TRAPPC9: variants seen among roughly 807,000 people sequenced by gnomAD.
TRAPPC9 encodes the protein IKK2 binding protein.
Under a neutral mutation model 124.0 loss-of-function variants are expected in TRAPPC9, and 83 were observed. The observed-to-expected ratio is 0.67, with a 90% CI of 0.56 to 0.80. The LOEUF (loss-of-function observed/expected upper bound fraction) is 0.80, where lower values mean the gene tolerates loss of function less well. Ranked by LOEUF, TRAPPC9 falls within the 30% of genes least tolerant of loss-of-function variation. The probability of loss-of-function intolerance (pLI) is 0.00; values close to 1 mark genes in which losing one functional copy is unlikely to be tolerated. For synonymous variants in TRAPPC9, 638 were observed against 617.5 expected, an observed-to-expected ratio of 1.03 and a Z score of -0.49; for missense variants, 1,302 against 1,508.3, an observed-to-expected ratio of 0.86 and a Z score of 2.27.
intron 17 of TRAPPC9, among the ~76,000 whole-genome samples, chr8:140,050,730 G>C (rs192326694): frequency 1.3e-4 from 20 of 152,284 alleles, no homozygotes; most frequent in Admixed American, 7.2e-4. Context: ...AGGGAAGAAG[G>C]GGGGAAGTAA....
In TRAPPC9 at chr8:140,220,172, G is replaced by T. The variant is rs114398881; in HGVS notation, c.2556+1287C>A. ...GGACAAACAAGAAGAACAGCAACAC[G>T]CAGCGCCAGGGGAGGGTGGTGGGGC... On this transcript the variant is annotated intron_variant, in intron 17 of 22. Transcript: ENST00000438773. Among the ~76,000 whole-genome samples the T allele has an allele frequency of 8.3e-3, 1,264 of 152,314 alleles. 18 individuals are homozygous for T. The highest frequency in any genetic ancestry group is 0.029 in the African/African-American group (1,216 of 41,554).
At chr8:139,867,910 C>G (rs1468587929) in intron 21 of TRAPPC9, among the ~76,000 whole-genome samples, 1 of 152,160 alleles carries the variant, frequency 6.6e-6, no homozygotes, top group East Asian at 1.9e-4. Flanking sequence ...GCTGGAAAAA[C>G]TGGAATGGGA....
chr8:140,136,455 G>A (rs997980178), intron 17 of TRAPPC9, among the ~76,000 whole-genome samples: 18 of 152,088 alleles, frequency 1.2e-4, no homozygotes, highest in Admixed American at 5.9e-4. Context: ...TTTACTTCTC[G>A]GTACCTACCC....
intron 9 of TRAPPC9, among the ~76,000 whole-genome samples, chr8:140,330,656 C>T (rs960832621): frequency 6.6e-6 from 1 of 152,088 alleles, no homozygotes; most frequent in Non-Finnish European, 1.5e-5. Flanking sequence ...CAAGCACTGC[C>T]TAGAAAAATT....
intron 9 of TRAPPC9, among the ~76,000 whole-genome samples, chr8:140,339,037 G>A (rs538905232): frequency 1.2e-3 from 168 of 139,960 alleles, no homozygotes; most frequent in African/African-American, 4.3e-3. Context: ...CAGGCCGACG[G>A]GAAACGGCTC....
intron 19 of TRAPPC9, among the ~76,000 whole-genome samples, chr8:139,913,304 C>T (rs1174133056): frequency 6.6e-6 from 1 of 152,198 alleles, no homozygotes; most frequent in African/African-American, 2.4e-5. Context: ...TCTGTGTGTA[C>T]GCTCATCTTT....
At chr8:140,002,020 C>T (rs1236377771) in intron 18 of TRAPPC9, among the ~76,000 whole-genome samples, 1 of 151,830 alleles carries the variant, frequency 6.6e-6, no homozygotes, top group Non-Finnish European at 1.5e-5. Context: ...TGCATTCTAC[C>T]AAGCATTTCA....
chr8:140,164,659 A>C (rs1253978361), intron 17 of TRAPPC9, among the ~76,000 whole-genome samples: 3 of 152,192 alleles, frequency 2.0e-5, no homozygotes, highest in African/African-American at 7.2e-5. Flanking sequence ...ACAGCTAGGC[A>C]TGGTCTCCTG....
chr8:140,108,342 G>T (rs2060704598), intron 17 of TRAPPC9, among the ~76,000 whole-genome samples: 1 of 152,256 alleles, frequency 6.6e-6, no homozygotes, highest in African/African-American at 2.4e-5. Context: ...CAGCCTCTCA[G>T]AGTGGATGGG....
chr8:140,229,639 G>A (rs963767257), intron 16 of TRAPPC9, among the ~76,000 whole-genome samples: 1 of 152,106 alleles, frequency 6.6e-6, no homozygotes, highest in Admixed American at 6.6e-5. Flanking sequence ...CGCGATCTCG[G>A]CTCACTGCAA....
At chr8:140,157,368 GAAGCCTCCCTTTTCCATTCAA>G (rs796778286) in intron 17 of TRAPPC9, among the ~76,000 whole-genome samples, 11 of 29,342 alleles carry the variant, frequency 3.7e-4, no homozygotes, top group Non-Finnish European at 5.9e-4. Context: ...TTTCCATTCA[GAAGCCTCCCTTTTCCATTCAA>G]AAGCCTTCCT....
intron 17 of TRAPPC9, among the ~76,000 whole-genome samples, chr8:140,198,195 T>G (rs1000901208): frequency 5.9e-5 from 9 of 152,210 alleles, no homozygotes; most frequent in African/African-American, 1.9e-4. Context: ...TAGGCTGAAC[T>G]AACTTTGGGA....
Position 140,252,574 on chromosome 8 carries a change from T to C in TRAPPC9, c.2431+203A>G. ...ATAATAAAGAGTGAGAATTAAATCA[T>C]TTAGATAAAAAGTACTTTTATTACT... On this transcript the variant is annotated intron_variant, in intron 16 of 22. Coordinates refer to ENST00000438773, the MANE Select transcript of TRAPPC9 (RefSeq NM_001160372.4). The surrounding 1 kb of genome is among the most constrained non-coding windows in gnomAD (Gnocchi z 4.2). 1 of 580,096 alleles carries C rather than the reference T, an allele frequency of 1.7e-6. No individual in the cohort carries two copies. The highest frequency in any genetic ancestry group is 1.9e-5 in the African/African-American group (1 of 53,782). 35.9% of individuals were successfully genotyped at this position (580,096 alleles called of 1,614,324 possible). A position where few individuals can be genotyped will look rare whatever the true frequency, so the allele number is the denominator to read the frequency against.
chr8:139,737,802 C>T (rs898662), intron 21 of TRAPPC9, among the ~76,000 whole-genome samples: 1 of 151,968 alleles, frequency 6.6e-6, no homozygotes, highest in African/African-American at 2.4e-5. Context: ...AAGGAGACCA[C>T]GTCAAGTGGG....
At chr8:140,313,945 C>T (rs1161200452) in intron 9 of TRAPPC9, among the ~76,000 whole-genome samples, 1 of 152,134 alleles carries the variant, frequency 6.6e-6, no homozygotes, top group Non-Finnish European at 1.5e-5. Flanking sequence ...CAGCATGGCC[C>T]ATCCAGTGCA....
chr8:140,252,269 G>A lies in TRAPPC9; in HGVS notation c.2431+508C>T, dbSNP rs545579491. Among the ~76,000 whole-genome samples, 11 of 152,170 alleles carry A rather than the reference G, an allele frequency of 7.2e-5. No homozygotes were observed. Among genetic ancestry groups the A allele is most frequent in the South Asian group, 6.2e-4 (3 of 4,822 alleles). ...TGAAAGTCCTGGCCTCAGGTGATCC[G>A]CCCGCCCTGGCCTCCCAGAGTGCTG... On this transcript the variant is annotated intron_variant, in intron 16 of 22. Coordinates refer to ENST00000438773, the MANE Select transcript of TRAPPC9 (RefSeq NM_001160372.4). The surrounding 1 kb of genome is among the most constrained non-coding windows in gnomAD (Gnocchi z 4.2).
intron 17 of TRAPPC9, among the ~76,000 whole-genome samples, chr8:140,070,064 A>G (rs113893757): frequency 1.3e-5 from 2 of 151,942 alleles, no homozygotes; most frequent in African/African-American, 4.8e-5. Flanking sequence ...CAGTCCCCCA[A>G]CTCACACGCC....
chr8:140,372,142 C>T (rs1453486361), intron 7 of TRAPPC9, among the ~76,000 whole-genome samples: 1 of 152,344 alleles, frequency 6.6e-6, no homozygotes, highest in Admixed American at 6.5e-5. Context: ...CAAAATCACA[C>T]AGCCAAGAAG....
At chr8:139,759,312 T>C (rs1820068362) in intron 21 of TRAPPC9, among the ~76,000 whole-genome samples, 1 of 152,188 alleles carries the variant, frequency 6.6e-6, no homozygotes, top group South Asian at 2.1e-4. Context: ...TGAGTGTTTA[T>C]CATCTTCCTG....
Sources: allele counts gnomAD v4.1 joint callset (sites outside exome capture counted in the v4.1 genomes callset), GRCh38; gene constraint gnomAD v4.1.1; non-coding constraint Gnocchi (gnomAD v3.1); transcripts MANE v1.5; gene names NCBI Gene and HGNC (gene_info 2026-07-23, HGNC 2026-07-21).